Variants in THSD7B observed in about 807,000 individuals in gnomAD.
THSD7B encodes thrombospondin type 1 domain containing 7B, also known as thrombospondin type-1 domain-containing protein 7B.
Under a neutral mutation model 213.6 loss-of-function variants are expected in THSD7B, and 138 were observed. The observed-to-expected ratio is 0.65, with a 90% confidence interval of 0.56 to 0.74. The LOEUF is 0.74. Among genes scored for constraint, THSD7B ranks in the 30% least tolerant of loss-of-function variants. The probability of loss-of-function intolerance (pLI) is 0.00; values close to 1 mark genes in which losing one functional copy is unlikely to be tolerated. For synonymous variants in THSD7B, 742 were observed against 687.0 expected, an observed-to-expected ratio of 1.08 and a Z score of -1.25; for missense variants, 1,931 against 1,991.5, an observed-to-expected ratio of 0.97 and a Z score of 0.58.
chr2:137,650,564 G>A (rs1182966969), intron 21 of THSD7B, among the ~76,000 whole-genome samples: 1 of 152,086 alleles, frequency 6.6e-6, no homozygotes, highest in Admixed American at 6.6e-5. Context: ...CAACTTAGAT[G>A]TCCTTTATTT....
intron 12 of THSD7B, among the ~76,000 whole-genome samples, chr2:137,288,503 T>G: frequency 6.6e-6 from 1 of 151,546 alleles, no homozygotes; most frequent in East Asian, 1.9e-4. Flanking sequence ...CCAGGAAGGG[T>G]TTTGAGAGCC....
intron 7 of THSD7B, among the ~76,000 whole-genome samples, chr2:137,206,300 A>G (rs1410946522): frequency 6.6e-6 from 1 of 152,064 alleles, no homozygotes; most frequent in East Asian, 1.9e-4. Flanking sequence ...AAAGGCATGC[A>G]TCTAGTAACC....
chr2:137,389,402 A>ACTTTTTTTTTTTTTTTTTTTTTT, intron 12 of THSD7B, among the ~76,000 whole-genome samples: 1 of 38,052 alleles, frequency 2.6e-5, no homozygotes. Flanking sequence ...TCTTAATGTG[A>ACTTTTTTTTTTTTTTTTTTTTTT]TTTTTTTTTT....
intron 2 of THSD7B, among the ~76,000 whole-genome samples, chr2:136,957,500 A>G (rs1402110106): frequency 6.6e-6 from 1 of 151,794 alleles, no homozygotes; most frequent in African/African-American, 2.4e-5. Flanking sequence ...TCTTTCTGAA[A>G]CTAGTACCAG....
intron 13 of THSD7B, among the ~76,000 whole-genome samples, 158 bp downstream of exon 13, chr2:137,405,965 C>T (rs1461893636): frequency 5.9e-5 from 9 of 152,144 alleles, no homozygotes; most frequent in African/African-American, 1.7e-4. Context: ...ATGCCTGGTA[C>T]GTAACAAGTA....
intron 24 of THSD7B, among the ~76,000 whole-genome samples, chr2:137,658,133 T>A (rs976753829): frequency 2.0e-5 from 3 of 152,240 alleles, no homozygotes; most frequent in Non-Finnish European, 4.4e-5. Context: ...AGAAGTATTG[T>A]CAGCTCCTCC....
At chr2:137,384,476 C>A (rs550992354) in intron 12 of THSD7B, among the ~76,000 whole-genome samples, 1 of 152,200 alleles carries the variant, frequency 6.6e-6, no homozygotes, top group African/African-American at 2.4e-5. Context: ...CTCTTTCTGC[C>A]AGCATGGGTG....
intron 15 of THSD7B, among the ~76,000 whole-genome samples, chr2:137,502,367 AAG>A (rs756731817): frequency 1.3e-5 from 2 of 152,070 alleles, no homozygotes; most frequent in Non-Finnish European, 2.9e-5. Context: ...TATAAAGAGA[AAG>A]AGAGAGAGAC....
chr2:137,042,548 T>G (rs2104863268), intron 2 of THSD7B, among the ~76,000 whole-genome samples: 1 of 152,296 alleles, frequency 6.6e-6, no homozygotes, highest in Admixed American at 6.5e-5. Flanking sequence ...TGTTTAACCC[T>G]GTATCATTCC....
chr2:137,304,315 C>A (rs1683687796), intron 12 of THSD7B, among the ~76,000 whole-genome samples: 1 of 152,210 alleles, frequency 6.6e-6, no homozygotes, highest in South Asian at 2.1e-4. Flanking sequence ...CAAAAAATAT[C>A]TATCAAGCAA....
chr2:137,562,594 TTGTGTGTGTG>T (rs72488766), intron 15 of THSD7B, among the ~76,000 whole-genome samples: 144 of 145,080 alleles, frequency 9.9e-4, no homozygotes, highest in African/African-American at 2.9e-3. Flanking sequence ...GTATTTCTCT[TTGTGTGTGTG>T]TGTGTGTGTG....
At chr2:137,226,042 G>A (rs1015963246) in intron 7 of THSD7B, among the ~76,000 whole-genome samples, 22 of 151,758 alleles carry the variant, frequency 1.4e-4, no homozygotes, top group African/African-American at 4.8e-4. Context: ...AAGCATATGA[G>A]TTCCACTAAA....
At chr2:137,250,439 A>G (rs1682146458) in intron 10 of THSD7B, among the ~76,000 whole-genome samples, 1 of 152,200 alleles carries the variant, frequency 6.6e-6, no homozygotes, top group African/African-American at 2.4e-5. Flanking sequence ...TCACTATTCC[A>G]TTTAATTCTT....
Position 137,637,077 on chromosome 2 carries a change from C to G in THSD7B, c.3800-5411C>G, listed in dbSNP as rs80342619. Among the ~76,000 whole-genome samples, 590 of 152,320 alleles carry G rather than the reference C, an allele frequency of 3.9e-3. 4 individuals carry two copies. Among genetic ancestry groups the G allele is most frequent in the African/African-American group, 0.014 (569 of 41,578 alleles). Reference sequence around the variant, plus strand: ...ATGGCCACATCCTCCACTGCTTTCTCTCTCCCATCAAAACTCATCATTGCC... The same window carrying G: ...ATGGCCACATCCTCCACTGCTTTCTGTCTCCCATCAAAACTCATCATTGCC... On this transcript the variant is annotated intron_variant, in intron 20 of 27. Transcript: ENST00000409968.
At chr2:137,201,507 T>A (rs1361928002) in intron 7 of THSD7B, among the ~76,000 whole-genome samples, 1 of 152,198 alleles carries the variant, frequency 6.6e-6, no homozygotes, top group African/African-American at 2.4e-5. Context: ...TTTTCTATAA[T>A]GCCTGTATTA....
intron 10 of THSD7B, among the ~76,000 whole-genome samples, chr2:137,253,860 T>G: frequency 6.6e-6 from 1 of 152,112 alleles, no homozygotes; most frequent in East Asian, 1.9e-4. Context: ...TTTCCGGAGG[T>G]TTTTGACTCA....
At chr2:137,142,569 G>A (rs551109561) in intron 5 of THSD7B, among the ~76,000 whole-genome samples, 1 of 151,878 alleles carries the variant, frequency 6.6e-6, no homozygotes, top group African/African-American at 2.4e-5. Flanking sequence ...ATTCTTACAG[G>A]TTTTATTTGA....
chr2:137,012,793 C>T (rs1686255209), intron 2 of THSD7B, among the ~76,000 whole-genome samples: 1 of 152,230 alleles, frequency 6.6e-6, no homozygotes. Flanking sequence ...GTGCTTTTAA[C>T]AGAGTGCTTA....
At chr2:137,212,082 A>T (rs2105034766) in intron 7 of THSD7B, among the ~76,000 whole-genome samples, 1 of 152,138 alleles carries the variant, frequency 6.6e-6, no homozygotes, top group Admixed American at 6.6e-5. Context: ...TTCTAATATA[A>T]CCTCACAAAG....
Sources: allele counts gnomAD v4.1 joint callset (sites outside exome capture counted in the v4.1 genomes callset), GRCh38; gene constraint gnomAD v4.1.1; transcripts MANE v1.5; gene names NCBI Gene and HGNC (gene_info 2026-07-23, HGNC 2026-07-21).